Variants in DDX50 observed in about 807,000 individuals in gnomAD.
The protein encoded by DDX50 is DExD-box helicase 50.
DDX50 carries 56 observed loss-of-function variants against 94.8 expected under a neutral mutation model. That is an observed-to-expected ratio of 0.59 (90% CI 0.48 to 0.74). The LOEUF (loss-of-function observed/expected upper bound fraction) is 0.74. Ranked by LOEUF, DDX50 falls within the 30% of genes least tolerant of loss-of-function variation. DDX50 has a pLI of 0.00. For synonymous variants in DDX50, 264 were observed against 295.4 expected (o/e 0.89, Z 1.09); for missense variants, 713 against 881.2 (o/e 0.81, Z 2.42).
intron 2 of DDX50, among the ~76,000 whole-genome samples, chr10:68,908,451 CAAAAAAA>C (rs71223162): frequency 1.1e-4 from 5 of 43,710 alleles, no homozygotes; most frequent in African/African-American, 3.6e-4. Context: ...AACTCCATCT[CAAAAAAA>C]AAAAAAAAAA....
intron 8 of DDX50, among the ~76,000 whole-genome samples, chr10:68,921,142 A>G (rs906506993): frequency 4.0e-5 from 6 of 151,752 alleles, no homozygotes; most frequent in Admixed American, 1.3e-4. Flanking sequence ...ATATTATTAT[A>G]TCCATAAATG....
At chr10:68,935,414 C>T (rs1435241621) in intron 10 of DDX50, among the ~76,000 whole-genome samples, 1 of 150,182 alleles carries the variant, frequency 6.7e-6, no homozygotes, top group African/African-American at 2.5e-5. Flanking sequence ...ATTTAAACAT[C>T]TGTTTTGTTT....
At chr10:68,905,495 A>C (rs764929359) in intron 1 of DDX50, among the ~76,000 whole-genome samples, 8 of 152,166 alleles carry the variant, frequency 5.3e-5, no homozygotes, top group Non-Finnish European at 1.0e-4. Context: ...GTGAAAAGAG[A>C]ATGGGCTTTC....
chr10:68,941,988 A>G (rs1224816112), intron 13 of DDX50, among the ~76,000 whole-genome samples: 3 of 150,072 alleles, frequency 2.0e-5, no homozygotes, highest in African/African-American at 7.4e-5. Flanking sequence ...GGATTTTGCC[A>G]TGTTGCCCAG....
Position 68,934,985 on chromosome 10 carries a change from A to C in DDX50, c.1521+67A>C, listed in dbSNP as rs1050393034. On this transcript the variant is annotated intron_variant, in intron 10 of 14. Transcript: ENST00000373585. The surrounding 1 kb of genome is among the most constrained non-coding windows in gnomAD (Gnocchi z 4.0). The stretch of plus-strand genomic sequence containing the variant: ...TGCCTTAAAAGAGAGCTCTTCTTAT[A>C]TTTATTCTTACAAGTAGGTCTTCAT... 6.6e-7 allele frequency: 1 copy of C among 1,512,766 alleles called. No individual in the cohort carries two copies. The highest frequency in any genetic ancestry group is 2.1e-5 in the Admixed American group (1 of 46,572). The allele number at this position is 1,512,766 out of a possible 1,614,324, so 93.7% of individuals were successfully genotyped here.
chr10:68,901,587 C>T, intron 1 of DDX50, 116 bp downstream of exon 1: 4 of 1,109,858 alleles, frequency 3.6e-6, no homozygotes, highest in Non-Finnish European at 5.0e-6. Context: ...CGAGGGCCTC[C>T]CTTCGCGCCG....
intron 1 of DDX50, 152 bp downstream of exon 1, chr10:68,901,623 G>C: frequency 1.2e-6 from 1 of 801,790 alleles, no homozygotes; most frequent in Non-Finnish European, 1.9e-6. Flanking sequence ...GGTCGCTCAG[G>C]GACCGTTTCC....
At chr10:68,935,897 G>A (rs1842395350) in intron 10 of DDX50, 109 bp from the exon 11 acceptor site, 5 of 780,430 alleles carry the variant, frequency 6.4e-6, no homozygotes, top group Non-Finnish European at 1.0e-5. Context: ...CTAGGGCTAT[G>A]AAATCTTTAA....
At chr10:68,908,234 T>C (rs1841515820) in intron 2 of DDX50, among the ~76,000 whole-genome samples, 1 of 152,084 alleles carries the variant, frequency 6.6e-6, no homozygotes, top group African/African-American at 2.4e-5. Flanking sequence ...GTGGATCACC[T>C]GAGATCAGGA....
At chr10:68,925,842 G>A (rs1371800842) in intron 8 of DDX50, among the ~76,000 whole-genome samples, 2 of 151,702 alleles carry the variant, frequency 1.3e-5, no homozygotes, top group African/African-American at 2.4e-5. Flanking sequence ...GGTGAAACCC[G>A]GTCTCCACTA....
chr10:68,915,673 G>C, intron 7 of DDX50, among the ~76,000 whole-genome samples: 1 of 150,122 alleles, frequency 6.7e-6, no homozygotes, highest in African/African-American at 2.5e-5. Context: ...CCAAGATCGT[G>C]CCACTGCACT....
intron 5 of DDX50, 34 bp downstream of exon 5, chr10:68,913,313 A>G: frequency 1.9e-6 from 3 of 1,604,876 alleles, no homozygotes; most frequent in Non-Finnish European, 2.5e-6. Context: ...GTGCAAAGGC[A>G]TATTTGATAC....
At chr10:68,913,949 C>T (rs1450994408) in intron 6 of DDX50, 110 bp from the exon 7 acceptor site, 22 of 1,106,490 alleles carry the variant, frequency 2.0e-5, no homozygotes, top group South Asian at 1.9e-5. Flanking sequence ...TAAAAATTCA[C>T]CCCAAGTTTT....
chr10:68,906,613 A>G, intron 1 of DDX50, 98 bp from the exon 2 acceptor site: 1 of 1,347,184 alleles, frequency 7.4e-7, no homozygotes, highest in Non-Finnish European at 1.0e-6. Flanking sequence ...GTAACTGTAG[A>G]TTGAGCTGAA....
At chr10:68,937,178 T>C in intron 12 of DDX50, 83 bp downstream of exon 12, 1 of 1,370,116 alleles carries the variant, frequency 7.3e-7, no homozygotes, top group Non-Finnish European at 9.6e-7. Context: ...TTATTGTGCT[T>C]TTTGTGCAGA....
At chr10:68,926,774 T>TACACACACAC (rs67773821) in intron 8 of DDX50, among the ~76,000 whole-genome samples, 129 of 140,422 alleles carry the variant, frequency 9.2e-4, no homozygotes, top group African/African-American at 3.1e-3. Context: ...CACACAGAGA[T>TACACACACAC]ACACACACAC....
At chr10:68,942,513 C>T (rs1045193075) in intron 13 of DDX50, among the ~76,000 whole-genome samples, 6 of 152,158 alleles carry the variant, frequency 3.9e-5, no homozygotes, top group African/African-American at 1.2e-4. Flanking sequence ...AAACTAGTTG[C>T]TATACTTGAG....
In DDX50 at chr10:68,934,180, C is replaced by T; in HGVS notation, c.1240-19C>T. 7 of 1,606,226 alleles carry T rather than the reference C, an allele frequency of 4.4e-6. No homozygotes were observed. Among genetic ancestry groups the T allele is most frequent in the Non-Finnish European group, 5.1e-6 (6 of 1,177,038 alleles). On this transcript the variant is annotated intron_variant, in intron 8 of 14. Coordinates refer to ENST00000373585, the MANE Select transcript of DDX50 (RefSeq NM_024045.2). This position sits in a 1 kb window ranked among gnomAD's most constrained non-coding sequence, Gnocchi z 4.0. ...AAGTATGAGCTGTACACTTAATTTTCTCCCCCTTTCTCAAATAGAATGCCC... is the reference window on the plus strand; with the variant it reads ...AAGTATGAGCTGTACACTTAATTTTTTCCCCCTTTCTCAAATAGAATGCCC...
chr10:68,935,935 A>C (rs1006903067), intron 10 of DDX50, 71 bp from the exon 11 acceptor site: 4 of 1,006,326 alleles, frequency 4.0e-6, no homozygotes, highest in Admixed American at 2.3e-5. Flanking sequence ...TCAACGAACT[A>C]TTAAAATATT....
Sources: allele counts gnomAD v4.1 joint callset (sites outside exome capture counted in the v4.1 genomes callset), GRCh38; gene constraint gnomAD v4.1.1; non-coding constraint Gnocchi (gnomAD v3.1); transcripts MANE v1.5; gene names NCBI Gene and HGNC (gene_info 2026-07-23, HGNC 2026-07-21).